MAF: variants seen among roughly 807,000 people sequenced by gnomAD.
The protein encoded by MAF is transcription factor Maf.
A neutral mutation model predicts 22.0 loss-of-function variants in MAF; 10 were observed. That is an observed-to-expected ratio of 0.45 (90% CI 0.28 to 0.77). The LOEUF is 0.77. MAF is among the 30% of genes least tolerant of loss of function. The pLI is 0.12. For missense variants in MAF, 544 were observed against 548.4 expected (o/e 0.99, Z 0.08); for synonymous variants, 337 against 255.8 (o/e 1.32, Z -3.03).
At chr16:79,589,357 G>C (rs1260641153), downstream of MAF, among the ~76,000 whole-genome samples, 1 of 152,092 alleles carries the variant, frequency 6.6e-6, no homozygotes, top group Non-Finnish European at 1.5e-5. Flanking sequence ...GTTTTATAAT[G>C]TGCATCAAAC....
chr16:79,374,906 A>G, the MAF span, among the ~76,000 whole-genome samples: 59 of 152,354 alleles, frequency 3.9e-4, no homozygotes, highest in Non-Finnish European at 5.9e-4. Flanking sequence ...AACTTGATAT[A>G]GGATCACGCT....
chr16:79,266,925 T>C, the MAF span, among the ~76,000 whole-genome samples: 1 of 152,178 alleles, frequency 6.6e-6, no homozygotes, highest in Non-Finnish European at 1.5e-5. Flanking sequence ...TTTCCTTTGA[T>C]TGCAGGGAGA....
At chr16:79,502,681 A>G in the MAF span, among the ~76,000 whole-genome samples, 29 of 12,928 alleles carry the variant, frequency 2.2e-3, no homozygotes, top group African/African-American at 6.3e-3. Context: ...ATAAATAAAT[A>G]TAAATATAAA....
the MAF span, among the ~76,000 whole-genome samples, chr16:79,336,369 G>A: frequency 3.3e-5 from 5 of 152,294 alleles, no homozygotes; most frequent in African/African-American, 7.2e-5. Context: ...CTTGCCCAAG[G>A]TCACATAGCC....
At chr16:79,422,823 A>G in the MAF span, among the ~76,000 whole-genome samples, 1 of 152,190 alleles carries the variant, frequency 6.6e-6, no homozygotes, top group African/African-American at 2.4e-5. Context: ...TTACTTTTGC[A>G]CTAATCTTAT....
the MAF span, among the ~76,000 whole-genome samples, chr16:79,540,668 G>A: frequency 6.6e-6 from 1 of 152,222 alleles, no homozygotes; most frequent in Non-Finnish European, 1.5e-5. Context: ...GATGGCAGAT[G>A]ACCTTGTGAA....
the MAF span, chr16:79,212,330 C>T: frequency 6.7e-6 from 5 of 746,556 alleles, no homozygotes; most frequent in Non-Finnish European, 1.0e-5. Context: ...AACCTTGTCC[C>T]AGCCAGTGAG....
chr16:79,476,951 A>G, the MAF span, among the ~76,000 whole-genome samples: 1 of 152,150 alleles, frequency 6.6e-6, no homozygotes, highest in Non-Finnish European at 1.5e-5. Flanking sequence ...GCCATCTTAT[A>G]GGTCTTTTCT....
the MAF span, among the ~76,000 whole-genome samples, chr16:79,450,229 T>G: frequency 6.6e-6 from 1 of 152,228 alleles, no homozygotes; most frequent in Admixed American, 6.5e-5. Flanking sequence ...GACTTACCTT[T>G]AGTACAATTT....
the MAF span, among the ~76,000 whole-genome samples, chr16:79,508,020 GAGC>G: frequency 2.6e-5 from 4 of 152,230 alleles, no homozygotes; most frequent in Non-Finnish European, 5.9e-5. Flanking sequence ...GATCAGAGCA[GAGC>G]AGGAGACATG....
chr16:79,451,315 A>G, the MAF span, among the ~76,000 whole-genome samples: 1 of 152,342 alleles, frequency 6.6e-6, no homozygotes, highest in South Asian at 2.1e-4. Flanking sequence ...CTGCCTGTCC[A>G]CAGGAGGCTA....
chr16:79,234,243 G>A, the MAF span, among the ~76,000 whole-genome samples: 1 of 151,894 alleles, frequency 6.6e-6, no homozygotes, highest in Non-Finnish European at 1.5e-5. Context: ...ACCAAGCCCT[G>A]AACATTCCAC....
chr16:79,308,505 G>C, the MAF span, among the ~76,000 whole-genome samples: 1 of 152,112 alleles, frequency 6.6e-6, no homozygotes, highest in African/African-American at 2.4e-5. Flanking sequence ...TGGAATTGTA[G>C]GGACCAGCCA....
the MAF span, among the ~76,000 whole-genome samples, chr16:79,390,743 G>T: frequency 1.3e-5 from 2 of 152,190 alleles, no homozygotes; most frequent in Non-Finnish European, 2.9e-5. Flanking sequence ...TGAGAGATAA[G>T]ATATGGGTAG....
At chr16:79,386,344 C>G in the MAF span, among the ~76,000 whole-genome samples, 6 of 152,188 alleles carry the variant, frequency 3.9e-5, no homozygotes, top group South Asian at 2.1e-4. Context: ...GACAGATCAT[C>G]AGGCATTAGA....
chr16:79,210,175 C>A, the MAF span, among the ~76,000 whole-genome samples: 1 of 152,198 alleles, frequency 6.6e-6, no homozygotes, highest in South Asian at 2.1e-4. Flanking sequence ...TGCATTTGAC[C>A]ATTCAGTTTT....
At position 79,594,329 on chromosome 16, in the gene MAF, CCTT is replaced by C; in HGVS notation, c.*128_*130del. On this transcript the variant is annotated 3_prime_UTR_variant, in exon 2 of 2. Transcript: ENST00000326043. ...CATAGTTAACTACTACATTTAATAG[CCTT>C]CTTCTCTAACACAGTAATTTTTATT... The C allele has an allele frequency of 1.2e-6, 1 of 859,058 alleles. No homozygotes were observed. The highest frequency in any genetic ancestry group is 2.1e-5 in the Admixed American group (1 of 48,730). The allele number at this position is 859,058 out of a possible 1,614,324, so 53.2% of individuals were successfully genotyped here. A position where few individuals can be genotyped will look rare whatever the true frequency, so the allele number is the denominator to read the frequency against.
At chr16:79,375,412 G>C in the MAF span, among the ~76,000 whole-genome samples, 8 of 152,272 alleles carry the variant, frequency 5.3e-5, no homozygotes, top group African/African-American at 1.7e-4. Flanking sequence ...CTTCCCATAA[G>C]AGAGAGCAAC....
At chr16:79,265,284 C>T in the MAF span, among the ~76,000 whole-genome samples, 3 of 152,090 alleles carry the variant, frequency 2.0e-5, no homozygotes, top group South Asian at 6.2e-4. Flanking sequence ...TACTTTAATC[C>T]TGACTATCAT....
Sources: allele counts gnomAD v4.1 joint callset (sites outside exome capture counted in the v4.1 genomes callset), GRCh38; gene constraint gnomAD v4.1.1; transcripts MANE v1.5; gene names NCBI Gene and HGNC (gene_info 2026-07-23, HGNC 2026-07-21).